Variants in SRGAP1 observed in about 807,000 individuals in gnomAD.
SRGAP1 encodes SLIT-ROBO Rho GTPase activating protein 1, also known as SLIT-ROBO Rho GTPase-activating protein 1.
A neutral mutation model predicts 121.9 loss-of-function variants in SRGAP1; 43 were observed. The observed-to-expected ratio is 0.35, with a 90% confidence interval of 0.28 to 0.46. The LOEUF (loss-of-function observed/expected upper bound fraction) is 0.46, where lower values mean the gene tolerates loss of function less well. Ranked by LOEUF, SRGAP1 falls within the 20% of genes least tolerant of loss-of-function variation. The pLI is 1.00. For synonymous variants in SRGAP1, 447 were observed against 485.4 expected, an observed-to-expected ratio of 0.92 and a Z score of 1.04; for missense variants, 1,102 against 1,350.9, an observed-to-expected ratio of 0.82 and a Z score of 2.89.
chr12:64,034,645 G>A (rs773286387), intron 4 of SRGAP1, among the ~76,000 whole-genome samples: 1 of 152,050 alleles, frequency 6.6e-6, no homozygotes, highest in Non-Finnish European at 1.5e-5. Flanking sequence ...TGTGCTCTTC[G>A]TATGTGTTAA....
chr12:63,968,637 G>A (rs1486920147), intron 1 of SRGAP1, among the ~76,000 whole-genome samples: 1 of 152,186 alleles, frequency 6.6e-6, no homozygotes, highest in African/African-American at 2.4e-5. Flanking sequence ...AGTGGCTACC[G>A]TTTCAACCCT....
chr12:63,871,974 C>T, intron 1 of SRGAP1: 1 of 1,027,226 alleles, frequency 9.7e-7, no homozygotes, highest in South Asian at 1.3e-5. Context: ...TGAATCCTTG[C>T]CCTTCTTATA....
intron 1 of SRGAP1, among the ~76,000 whole-genome samples, chr12:63,913,711 A>C (rs1197740402): frequency 6.6e-6 from 1 of 151,726 alleles, no homozygotes; most frequent in African/African-American, 2.4e-5. Flanking sequence ...ATATTTGTAC[A>C]TGGACCACAA....
chr12:63,897,930 C>T (rs921198368), intron 1 of SRGAP1, among the ~76,000 whole-genome samples: 3 of 152,140 alleles, frequency 2.0e-5, no homozygotes, highest in Non-Finnish European at 4.4e-5. Context: ...AAGACTCACT[C>T]ACCTGAAGCT....
Position 64,126,009 on chromosome 12 carries a change from G to A in SRGAP1, c.2257G>A (p.Asp753Asn). 1 of 1,614,100 alleles carries A rather than the reference G, an allele frequency of 6.2e-7. No homozygotes were observed. Among genetic ancestry groups the A allele is most frequent in the South Asian group, 1.1e-5 (1 of 91,058 alleles). ...CEPIEAIAKF[D>N]YVGRSARELS... Reference sequence around the variant, plus strand: ...GCCAATAGAAGCAATAGCCAAGTTTGACTATGTTGGGCGGTCTGCCAGAGA... The same window carrying A: ...GCCAATAGAAGCAATAGCCAAGTTTAACTATGTTGGGCGGTCTGCCAGAGA... Residue 753 changes from aspartate to asparagine, a missense_variant, in exon 19 of 22, where the codon GAC becomes AAC. Coordinates refer to ENST00000355086, the MANE Select transcript of SRGAP1 (RefSeq NM_020762.4).
At chr12:64,041,352 C>CATTTT (rs1191539451) in intron 4 of SRGAP1, among the ~76,000 whole-genome samples, 2 of 148,008 alleles carry the variant, frequency 1.4e-5, no homozygotes, top group African/African-American at 2.5e-5. Flanking sequence ...TCATATATGG[C>CATTTT]ATTTTATTTT....
In SRGAP1 at chr12:64,148,605, A is replaced by T. The variant is rs1565703782; in HGVS notation, c.*5933A>T. 1 of 151,992 alleles carries T rather than the reference A, an allele frequency of 6.6e-6. No homozygotes were observed. The highest frequency in any genetic ancestry group is 1.5e-5 in the Non-Finnish European group (1 of 67,992). The allele number at this position is 151,992 out of a possible 1,614,324, so 9.4% of individuals were successfully genotyped here. A position where few individuals can be genotyped will look rare whatever the true frequency, so the allele number is the denominator to read the frequency against. On this transcript the variant is annotated 3_prime_UTR_variant, in exon 22 of 22. Transcript: ENST00000355086. Reference sequence around the variant, plus strand: ...TGGCCAGGTATTTTTCTTTAAATATAAAAAAAAGATAACTTGAGGTCTAGC... The same window carrying T: ...TGGCCAGGTATTTTTCTTTAAATATTAAAAAAAGATAACTTGAGGTCTAGC...
intron 1 of SRGAP1, among the ~76,000 whole-genome samples, chr12:63,979,240 A>G (rs1005259264): frequency 9.9e-5 from 15 of 151,912 alleles, no homozygotes; most frequent in Non-Finnish European, 2.2e-4. Flanking sequence ...GGGTTTCACC[A>G]TGTTGTCCAG....
At chr12:64,117,689 G>C (rs1176163613) in intron 18 of SRGAP1, among the ~76,000 whole-genome samples, 1 of 152,130 alleles carries the variant, frequency 6.6e-6, no homozygotes, top group Non-Finnish European at 1.5e-5. Flanking sequence ...GTGTTATACA[G>C]CAGATCTCTA....
chr12:63,907,955 G>T (rs1448655351), intron 1 of SRGAP1, among the ~76,000 whole-genome samples: 2 of 152,144 alleles, frequency 1.3e-5, no homozygotes, highest in East Asian at 3.9e-4. Flanking sequence ...TTGTTGAAAA[G>T]ACTATTCTTT....
Position 64,080,335 on chromosome 12 carries a change from C to T in SRGAP1, c.1373C>T (p.Ala458Val), listed in dbSNP as rs753304814. The T allele has an allele frequency of 1.2e-6, 2 of 1,613,764 alleles. No individual in the cohort carries two copies. The highest frequency in any genetic ancestry group is 1.7e-4 in the Middle Eastern group (1 of 6,060). The change falls in exon 10 of 22, where the codon GCC becomes GTC. Residue 458 changes from alanine to valine, a missense_variant. Transcript: ENST00000355086. ...AGTAATCTCATCACAAAACTTCAAG[C>T]CAAACATGACTTGCTGCAGAGGACC... ...EGSNLITKLQ[A>V]KHDLLQRTLG...
chr12:63,987,593 G>C (rs926162724), intron 2 of SRGAP1, among the ~76,000 whole-genome samples: 2 of 151,972 alleles, frequency 1.3e-5, no homozygotes, highest in Non-Finnish European at 2.9e-5. Flanking sequence ...ATGGTGGCAG[G>C]CACCTGTAAT....
Position 64,144,404 on chromosome 12 carries a change from A to G in SRGAP1, c.*1732A>G, listed in dbSNP as rs2037017036. On this transcript the variant is annotated 3_prime_UTR_variant, in exon 22 of 22. Transcript: ENST00000355086. The stretch of plus-strand genomic sequence containing the variant: ...CAGCCCATTGGTGAATGCATCGTGC[A>G]GAAAAGAACTGGGATCTGTACTAAA... 1 of 152,206 alleles carries G rather than the reference A, an allele frequency of 6.6e-6. No homozygotes were observed. The highest frequency in any genetic ancestry group is 1.5e-5 in the Non-Finnish European group (1 of 68,048). The allele number at this position is 152,206 out of a possible 1,614,324, so 9.4% of individuals were successfully genotyped here.
chr12:63,972,042 A>G (rs903381039), intron 1 of SRGAP1, among the ~76,000 whole-genome samples: 7 of 152,198 alleles, frequency 4.6e-5, no homozygotes, highest in African/African-American at 1.7e-4. Context: ...AAAGTTGCCA[A>G]TAGAAATCCA....
rs1441926991 is a variant in SRGAP1, at chr12:64,123,754, TC to T, written c.2225-2221del. Among the ~76,000 whole-genome samples, 3 of 151,906 alleles carry T rather than the reference TC, an allele frequency of 2.0e-5. No homozygotes were observed. The East Asian group carries it at 5.8e-4, about 29-fold the overall frequency. On this transcript the variant is annotated intron_variant, in intron 18 of 21. Coordinates refer to ENST00000355086, the MANE Select transcript of SRGAP1 (RefSeq NM_020762.4). ...CAACTCCTGGGCCACACAGTGATCC[TC>T]CTGCCTTGGCCTCCCAAAGTGCTGG...
At chr12:64,001,006 C>T (rs1311600377) in intron 3 of SRGAP1, among the ~76,000 whole-genome samples, 1 of 152,030 alleles carries the variant, frequency 6.6e-6, no homozygotes, top group Non-Finnish European at 1.5e-5. Flanking sequence ...GAAAATATCA[C>T]AATATGAAAA....
intron 1 of SRGAP1, among the ~76,000 whole-genome samples, chr12:63,956,078 T>G (rs1437078498): frequency 6.6e-6 from 1 of 152,184 alleles, no homozygotes; most frequent in Admixed American, 6.5e-5. Context: ...TTCTTTTTTT[T>G]GAGACAGGGT....
intron 1 of SRGAP1, among the ~76,000 whole-genome samples, chr12:63,952,915 G>A (rs748445596): frequency 4.6e-5 from 7 of 152,058 alleles, no homozygotes; most frequent in African/African-American, 1.7e-4. Context: ...CAAAGTACTG[G>A]GATTATAGGC....
intron 15 of SRGAP1, 66 bp from the exon 16 acceptor site, chr12:64,108,866 A>C: frequency 3.2e-5 from 34 of 1,061,916 alleles, no homozygotes; most frequent in Non-Finnish European, 4.2e-5. Flanking sequence ...TAATACATGT[A>C]CTGCAGTGTT....
Sources: allele counts gnomAD v4.1 joint callset (sites outside exome capture counted in the v4.1 genomes callset), GRCh38; gene constraint gnomAD v4.1.1; transcripts MANE v1.5; gene names NCBI Gene and HGNC (gene_info 2026-07-23, HGNC 2026-07-21).